ANKRD7: variants seen among roughly 807,000 people sequenced by gnomAD.
ANKRD7 encodes the protein ankyrin repeat domain 7, also known as ankyrin repeat domain-containing protein 7.
Under a neutral mutation model 30.8 loss-of-function variants are expected in ANKRD7, and 30 were observed. The observed-to-expected ratio is 0.97, with a 90% confidence interval of 0.73 to 1.32. ANKRD7 has a LOEUF of 1.32. Ranked by LOEUF, ANKRD7 falls within the 40% of genes most tolerant of loss-of-function variation. The pLI is 0.00. For missense variants in ANKRD7, 264 were observed against 295.7 expected (o/e 0.89, Z 0.79); for synonymous variants, 97 against 106.6 (o/e 0.91, Z 0.55).
rs1426233826 is a variant in ANKRD7, at chr7:118,234,658, A to T, written c.295-43A>T. ...ATCAAACATTAATTTATCATATCCC[A>T]AGTAGTAAATTGGTTACTCATCTAC... On this transcript the variant is annotated intron_variant, in intron 2 of 6. Transcript: ENST00000265224. 10 of 1,571,428 alleles carry T rather than the reference A, an allele frequency of 6.4e-6. No homozygotes were observed. In the East Asian group the frequency reaches 2.2e-4, roughly 35 times the overall value.
At chr7:118,231,741 A>T (rs1289982667) in intron 1 of ANKRD7, among the ~76,000 whole-genome samples, 1 of 152,060 alleles carries the variant, frequency 6.6e-6, no homozygotes, top group African/African-American at 2.4e-5. Context: ...CTGGTATCTG[A>T]TCATTCATCA....
chr7:118,227,974 G>A (rs567855021), intron 1 of ANKRD7: 57 of 1,324,670 alleles, frequency 4.3e-5, no homozygotes, highest in Admixed American at 1.9e-4. Flanking sequence ...ACACCACTCC[G>A]CTGAATGACT....
intron 1 of ANKRD7, among the ~76,000 whole-genome samples, chr7:118,232,939 C>A (rs937652347): frequency 6.6e-6 from 1 of 152,028 alleles, no homozygotes; most frequent in Non-Finnish European, 1.5e-5. Flanking sequence ...CTTTGGTGGG[C>A]TTAAAGCTAT....
intron 1 of ANKRD7, chr7:118,227,980 T>G: frequency 3.8e-6 from 5 of 1,323,034 alleles, no homozygotes; most frequent in Non-Finnish European, 5.0e-6. Flanking sequence ...CTCCGCTGAA[T>G]GACTTTATAA....
intron 1 of ANKRD7, chr7:118,227,895 T>C: frequency 7.5e-7 from 1 of 1,328,060 alleles, no homozygotes; most frequent in Non-Finnish European, 9.9e-7. Context: ...AGCTTATTGA[T>C]AGTATTATGT....
At chr7:118,241,229 A>G (rs889241119) in intron 6 of ANKRD7, among the ~76,000 whole-genome samples, 9 of 150,978 alleles carry the variant, frequency 6.0e-5, no homozygotes, top group African/African-American at 1.9e-4. Context: ...GCTTTTATTG[A>G]CAAGTATGTT....
chr7:118,234,133 A>G (rs1373833826), intron 1 of ANKRD7, among the ~76,000 whole-genome samples: 2 of 152,106 alleles, frequency 1.3e-5, no homozygotes, highest in East Asian at 1.9e-4. Context: ...ACCTAACTTT[A>G]TTATCTTTTC....
At chr7:118,236,973 T>G in intron 5 of ANKRD7, 47 bp downstream of exon 5, 2 of 1,598,096 alleles carry the variant, frequency 1.3e-6, no homozygotes, top group Non-Finnish European at 1.7e-6. Flanking sequence ...GGTTTGATTA[T>G]AAGGATCAAA....
chr7:118,225,910 T>C (rs2115991128), intron 1 of ANKRD7, among the ~76,000 whole-genome samples: 1 of 152,328 alleles, frequency 6.6e-6, no homozygotes, highest in South Asian at 2.1e-4. Flanking sequence ...GTGTAACAAC[T>C]GTATAAACGT....
chr7:118,235,334 C>G (rs138468037), intron 3 of ANKRD7, among the ~76,000 whole-genome samples: 1 of 151,968 alleles, frequency 6.6e-6, no homozygotes, highest in South Asian at 2.1e-4. Flanking sequence ...TGTATTGAGC[C>G]GGGCATGGTG....
At chr7:118,241,520 C>CTTTTT (rs1809843342) in intron 6 of ANKRD7, among the ~76,000 whole-genome samples, 1 of 85,852 alleles carries the variant, frequency 1.2e-5, no homozygotes, top group African/African-American at 4.4e-5. Flanking sequence ...CTCTGAATTA[C>CTTTTT]CTTTTTTTTT....
intron 5 of ANKRD7, among the ~76,000 whole-genome samples, chr7:118,238,960 C>A (rs1052095449): frequency 6.6e-6 from 1 of 152,124 alleles, no homozygotes; most frequent in Admixed American, 6.5e-5. Context: ...AAAGTGAGGC[C>A]AATAGGGTTG....
chr7:118,233,302 GTCT>G lies in ANKRD7; in HGVS notation c.180-1123_180-1121del, dbSNP rs944506755. Among the ~76,000 whole-genome samples, 70 of 152,132 alleles carry G rather than the reference GTCT, an allele frequency of 4.6e-4. 1 individual carries two copies. The highest frequency in any genetic ancestry group is 1.2e-3 in the Admixed American group (18 of 15,288). ...TTTTATTCTGTTATGTTAGCTGACT[GTCT>G]TCTTCCTGACTGTGCTCTCTCTTTA... On this transcript the variant is annotated intron_variant, in intron 1 of 6. Transcript: ENST00000265224.
chr7:118,227,920 T>TTA, intron 1 of ANKRD7: 22 of 1,345,126 alleles, frequency 1.6e-5, no homozygotes, highest in Middle Eastern at 2.2e-4. Context: ...TTTTTTTTTT[T>TTA]AACAAAAACA....
At chr7:118,240,841 T>C (rs1809821584) in intron 6 of ANKRD7, among the ~76,000 whole-genome samples, 1 of 152,056 alleles carries the variant, frequency 6.6e-6, no homozygotes, top group African/African-American at 2.4e-5. Context: ...AAATAAAATT[T>C]TGTTATTCAT....
intron 6 of ANKRD7, among the ~76,000 whole-genome samples, chr7:118,241,521 CTTTT>C (rs3061682): frequency 0.011 from 960 of 84,450 alleles, 5 homozygotes; most frequent in African/African-American, 0.041. Context: ...TCTGAATTAC[CTTTT>C]TTTTTTTTTT....
chr7:118,239,817 A>G (rs1234519668), intron 5 of ANKRD7, 92 bp from the exon 6 acceptor site: 8 of 713,092 alleles, frequency 1.1e-5, no homozygotes, highest in Non-Finnish European at 1.5e-5. Context: ...TTGGGGCAGC[A>G]TTGGCTGGTA....
chr7:118,230,461 T>A (rs951682463), intron 1 of ANKRD7, among the ~76,000 whole-genome samples: 3 of 151,954 alleles, frequency 2.0e-5, no homozygotes, highest in African/African-American at 7.2e-5. Flanking sequence ...TAATGTAAAT[T>A]AATAGTTACC....
At chr7:118,226,832 C>A (rs1482315920) in intron 1 of ANKRD7, among the ~76,000 whole-genome samples, 1 of 151,974 alleles carries the variant, frequency 6.6e-6, no homozygotes, top group Non-Finnish European at 1.5e-5. Context: ...CAAAATTTTT[C>A]TTATATAGCT....
Sources: allele counts gnomAD v4.1 joint callset (sites outside exome capture counted in the v4.1 genomes callset), GRCh38; gene constraint gnomAD v4.1.1; transcripts MANE v1.5; gene names NCBI Gene and HGNC (gene_info 2026-07-23, HGNC 2026-07-21).